Variants in PLEKHA7 observed in about 807,000 individuals in gnomAD.
The protein encoded by PLEKHA7 is pleckstrin homology domain containing A7.
PLEKHA7 carries 104 observed loss-of-function variants against 170.0 expected under a neutral mutation model. The observed-to-expected ratio is 0.61, with a 90% CI of 0.52 to 0.72. The LOEUF (loss-of-function observed/expected upper bound fraction) is 0.72. Ranked by LOEUF, PLEKHA7 falls within the 30% of genes least tolerant of loss-of-function variation. The probability of loss-of-function intolerance (pLI) is 0.00; values close to 1 mark genes in which losing one functional copy is unlikely to be tolerated. For missense variants in PLEKHA7, 1,615 were observed against 1,671.7 expected (o/e 0.97, Z 0.59); for synonymous variants, 648 against 660.8 (o/e 0.98, Z 0.30).
At chr11:16,798,594 A>G (rs1476265070) in intron 17 of PLEKHA7, among the ~76,000 whole-genome samples, 2 of 152,272 alleles carry the variant, frequency 1.3e-5, no homozygotes, top group Admixed American at 1.3e-4. Context: ...AATAAAAGCA[A>G]ATTAAAGCAA....
At chr11:16,795,704 G>A (rs528897514) in intron 17 of PLEKHA7, among the ~76,000 whole-genome samples, 3 of 151,742 alleles carry the variant, frequency 2.0e-5, no homozygotes, top group African/African-American at 7.2e-5. Flanking sequence ...CATGAGAATC[G>A]CTTGAACCTG....
chr11:16,912,293 G>A (rs1388619882), intron 3 of PLEKHA7, among the ~76,000 whole-genome samples: 1 of 152,164 alleles, frequency 6.6e-6, no homozygotes, highest in Non-Finnish European at 1.5e-5. Flanking sequence ...TGCAGCCAGG[G>A]GTGGCACTCA....
chr11:16,786,691 T>G (rs1196060563), intron 23 of PLEKHA7: 1 of 985,328 alleles, frequency 1.0e-6, no homozygotes, highest in Non-Finnish European at 1.2e-6. Flanking sequence ...GAGGGTGACC[T>G]CCAAACAACT....
rs1254401350 is a variant in PLEKHA7, at chr11:16,791,073, G to A, written c.2872C>T (p.Arg958Trp). The A allele has an allele frequency of 3.7e-6, 6 of 1,613,988 alleles. No homozygotes were observed. The highest frequency in any genetic ancestry group is 5.1e-6 in the Non-Finnish European group (6 of 1,180,052). Residue 958 changes from arginine (R) to tryptophan (W), a missense_variant, in exon 20 of 27, where the codon CGG becomes TGG. Coordinates refer to ENST00000531066, the MANE Select transcript of PLEKHA7 (RefSeq NM_001329630.2). The surrounding 1 kb of genome is among the most constrained non-coding windows in gnomAD (Gnocchi z 4.5). ...TCTCGCTTCCTCTCGTCTGACTGCC[G>A]CTTGAGGCCCCGCACAGATGTGTGC... is the stretch of plus-strand genomic sequence containing the variant. ...IRHTSVRGLK[R>W]QSDERKRDRE...
chr11:16,863,309 T>C (rs750051742), intron 4 of PLEKHA7, among the ~76,000 whole-genome samples: 2 of 152,100 alleles, frequency 1.3e-5, no homozygotes, highest in Non-Finnish European at 2.9e-5. Flanking sequence ...TTCCAGGAAA[T>C]TCCAACTTGT....
At chr11:16,845,771 G>A (rs776200377) in intron 8 of PLEKHA7, among the ~76,000 whole-genome samples, 2 of 152,108 alleles carry the variant, frequency 1.3e-5, no homozygotes, top group Non-Finnish European at 2.9e-5. Context: ...AAACAGGTGA[G>A]GGGGGGATGG....
At chr11:16,885,715 C>T (rs1355997684) in intron 3 of PLEKHA7, among the ~76,000 whole-genome samples, 3 of 151,742 alleles carry the variant, frequency 2.0e-5, no homozygotes, top group Non-Finnish European at 4.4e-5. Context: ...AAACCCCGGC[C>T]AGGCACAGTG....
rs1488523682 is a variant in PLEKHA7 at position 16,854,929 on chromosome 11, G to T, written c.482C>A (p.Pro161His). Residue 161 changes from proline (P) to histidine (H), a missense_variant, in exon 6 of 27, where the codon CCC becomes CAC. Pro to His is a moderately conservative substitution (Grantham distance 77). Coordinates refer to ENST00000531066, the MANE Select transcript of PLEKHA7 (RefSeq NM_001329630.2). Reference protein sequence around the residue: ...GKRDQAIRRNPNVPVVVRGWL... With the variant: ...GKRDQAIRRNHNVPVVVRGWL... Reference sequence around the variant, plus strand: ...GCCCCTCACCACCACGGGAACATTGGGGTTCCTCCGAATGGCCTGGTCTCT... The same window carrying T: ...GCCCCTCACCACCACGGGAACATTGTGGTTCCTCCGAATGGCCTGGTCTCT... The T allele has an allele frequency of 6.2e-7, 1 of 1,614,018 alleles. No homozygotes were observed. Among genetic ancestry groups the T allele is most frequent in the African/African-American group, 1.3e-5 (1 of 74,980 alleles).
intron 3 of PLEKHA7, among the ~76,000 whole-genome samples, chr11:16,895,933 C>A (rs545107648): frequency 6.6e-6 from 1 of 152,168 alleles, no homozygotes; most frequent in Non-Finnish European, 1.5e-5. Flanking sequence ...TCTTGACAAG[C>A]GTCAGTCTCT....
chr11:16,909,590 G>A (rs543407439), intron 3 of PLEKHA7, among the ~76,000 whole-genome samples: 2 of 152,278 alleles, frequency 1.3e-5, no homozygotes, highest in South Asian at 4.1e-4. Flanking sequence ...AGCTCCTGGA[G>A]AGCCTGGGCC....
chr11:17,005,724 T>A (rs1864951212), intron 3 of PLEKHA7, among the ~76,000 whole-genome samples: 1 of 152,234 alleles, frequency 6.6e-6, no homozygotes, highest in Admixed American at 6.5e-5. Flanking sequence ...AGACGTTTCC[T>A]TAAAGAAGTT....
At chr11:16,888,941 T>TAA (rs59807490) in intron 3 of PLEKHA7, among the ~76,000 whole-genome samples, 3 of 136,370 alleles carry the variant, frequency 2.2e-5, no homozygotes, top group Non-Finnish European at 3.1e-5. Flanking sequence ...TACTAAAAAT[T>TAA]AAAAAAAAAA....
At position 16,864,095 on chromosome 11, in the gene PLEKHA7, G is replaced by T. The variant is rs550542185; in HGVS notation, c.305+7004C>A. On this transcript the variant is annotated intron_variant, in intron 4 of 26. Coordinates refer to ENST00000531066, the MANE Select transcript of PLEKHA7 (RefSeq NM_001329630.2). Reference sequence around the variant, plus strand: ...TGGACAAGGAAGAAGATTGTCCCCAGAAGACCTCTGAAATGAGAAGCAGTA... The same window carrying T: ...TGGACAAGGAAGAAGATTGTCCCCATAAGACCTCTGAAATGAGAAGCAGTA... Among the ~76,000 whole-genome samples the T allele has an allele frequency of 4.4e-4, 67 of 152,290 alleles. 1 individual carries two copies. The highest frequency in any genetic ancestry group is 7.9e-4 in the Non-Finnish European group (54 of 68,024).
intron 3 of PLEKHA7, among the ~76,000 whole-genome samples, chr11:17,011,168 C>A (rs1295189282): frequency 6.6e-6 from 1 of 152,184 alleles, no homozygotes; most frequent in East Asian, 1.9e-4. Flanking sequence ...ACACACCCAG[C>A]CCAAGGCTGC....
chr11:16,937,588 A>C (rs1057126060), intron 3 of PLEKHA7, among the ~76,000 whole-genome samples: 2 of 152,060 alleles, frequency 1.3e-5, no homozygotes, highest in Non-Finnish European at 2.9e-5. Context: ...GCACTTAGCT[A>C]TCCCTTAACT....
chr11:16,969,922 T>C (rs144940801), intron 3 of PLEKHA7, among the ~76,000 whole-genome samples: 1 of 152,258 alleles, frequency 6.6e-6, no homozygotes, highest in African/African-American at 2.4e-5. Context: ...GTACATACAC[T>C]ATTAAGAGGA....
chr11:16,974,403 T>C (rs1862925998), intron 3 of PLEKHA7, among the ~76,000 whole-genome samples: 2 of 151,920 alleles, frequency 1.3e-5, no homozygotes, highest in South Asian at 4.1e-4. Flanking sequence ...GATACTGAAA[T>C]GATCTTGACA....
chr11:16,902,392 A>G (rs150909219), intron 3 of PLEKHA7, among the ~76,000 whole-genome samples: 2 of 152,316 alleles, frequency 1.3e-5, no homozygotes, highest in African/African-American at 4.8e-5. Flanking sequence ...TGGTAACTTT[A>G]CGTTTAACCT....
In PLEKHA7 at chr11:16,802,829, A is replaced by C. The variant is rs759452202; in HGVS notation, c.2157+143T>G. 2.9e-5 allele frequency: 21 copies of C among 734,068 alleles called. 1 individual carries two copies. Among genetic ancestry groups the C allele is most frequent in the Non-Finnish European group, 4.1e-5 (18 of 433,964 alleles). 45.5% of individuals were successfully genotyped at this position (734,068 alleles called of 1,614,324 possible). On this transcript the variant is annotated intron_variant, in intron 15 of 26. Coordinates refer to ENST00000531066, the MANE Select transcript of PLEKHA7 (RefSeq NM_001329630.2). ...CCAAAGTGCTGAGATTACAGGCATG[A>C]GCCACCGCACCTGGTGCATTTTTTT...
Sources: allele counts gnomAD v4.1 joint callset (sites outside exome capture counted in the v4.1 genomes callset), GRCh38; gene constraint gnomAD v4.1.1; non-coding constraint Gnocchi (gnomAD v3.1); transcripts MANE v1.5; gene names NCBI Gene and HGNC (gene_info 2026-07-23, HGNC 2026-07-21).